PTDSS2: variants seen among roughly 807,000 people sequenced by gnomAD.
The protein encoded by PTDSS2 is PSS-2.
Under a neutral mutation model 64.7 loss-of-function variants are expected in PTDSS2, and 41 were observed. The observed-to-expected ratio is 0.63, with a 90% CI of 0.49 to 0.82. The LOEUF is 0.82. Ranked by LOEUF, PTDSS2 falls within the 40% of genes least tolerant of loss-of-function variation. The pLI is 0.00. For synonymous variants in PTDSS2, 297 were observed against 277.8 expected (o/e 1.07, Z -0.69); for missense variants, 485 against 650.0 (o/e 0.75, Z 2.76).
chr11:469,844 G>C (rs2133792494), intron 2 of PTDSS2, among the ~76,000 whole-genome samples: 1 of 152,252 alleles, frequency 6.6e-6, no homozygotes. Flanking sequence ...GGCAGTTCCA[G>C]AAAGTGAGGA....
At chr11:475,106 C>T (rs1226214284) in intron 3 of PTDSS2, among the ~76,000 whole-genome samples, 4 of 150,594 alleles carry the variant, frequency 2.7e-5, no homozygotes, top group Non-Finnish European at 5.9e-5. Context: ...GACATATTCA[C>T]GCGTTTGTGT....
chr11:488,130 T>G, intron 6 of PTDSS2, 69 bp from the exon 7 acceptor site: 1 of 1,184,170 alleles, frequency 8.4e-7, no homozygotes, highest in East Asian at 2.4e-5. Flanking sequence ...GGGTGGGGGC[T>G]GCACGCACCC....
At chr11:468,121 C>T (rs1290637037) in intron 2 of PTDSS2, among the ~76,000 whole-genome samples, 1 of 152,134 alleles carries the variant, frequency 6.6e-6, no homozygotes, top group Non-Finnish European at 1.5e-5. Flanking sequence ...AGGGTGAGAC[C>T]CCATCTCTAA....
chr11:469,572 T>C (rs970261312), intron 2 of PTDSS2, among the ~76,000 whole-genome samples: 1 of 152,080 alleles, frequency 6.6e-6, no homozygotes, highest in South Asian at 2.1e-4. Context: ...GAGTGGCCGC[T>C]GTGATGGTGG....
rs190466007 is a variant in PTDSS2, at chr11:485,972, C to T, written c.436-967C>T. 9.1e-5 allele frequency among the ~76,000 whole-genome samples: 12 copies of T among 131,656 alleles called. 1 individual carries two copies. Among genetic ancestry groups the T allele is most frequent in the African/African-American group, 3.8e-4 (12 of 31,740 alleles). The allele number at this position is 131,656 out of a possible 152,430, so 86.4% of individuals were successfully genotyped here. A position where few individuals can be genotyped will look rare whatever the true frequency, so the allele number is the denominator to read the frequency against. ...TAAACAGTGCACGGGCGCGCGTGTG[C>T]TCACCGTGCGCGCAGGCGAGCGTAA... On this transcript the variant is annotated intron_variant, in intron 4 of 11. Transcript: ENST00000308020.
Position 487,553 on chromosome 11 carries a change from G to A in PTDSS2, c.621+83G>A, listed in dbSNP as rs566636169. The A allele has an allele frequency of 1.8e-5, 24 of 1,316,904 alleles. No homozygotes were observed. The East Asian group carries it at 5.3e-4, about 29-fold the overall frequency. 81.6% of individuals were successfully genotyped at this position (1,316,904 alleles called of 1,614,324 possible). On this transcript the variant is annotated intron_variant, in intron 6 of 11. Transcript: ENST00000308020. ...CTGGACCGTTTCTGTCCATGGAGTT[G>A]AGCTCAGGGTGCTCTGAGTGTGGTG...
intron 1 of PTDSS2, among the ~76,000 whole-genome samples, chr11:451,038 C>T (rs1364378707): frequency 6.6e-6 from 1 of 152,184 alleles, no homozygotes; most frequent in African/African-American, 2.4e-5. Context: ...CACCTGTGTC[C>T]CCCGTCATTC....
chr11:475,093 T>C (rs1362140108), intron 3 of PTDSS2, among the ~76,000 whole-genome samples: 1 of 64,714 alleles, frequency 1.5e-5, no homozygotes, highest in Non-Finnish European at 3.2e-5. Flanking sequence ...TGTTTGTGTG[T>C]GGGACATATT....
intron 4 of PTDSS2, among the ~76,000 whole-genome samples, chr11:484,212 G>A (rs760686850): frequency 1.3e-5 from 2 of 152,132 alleles, no homozygotes; most frequent in Non-Finnish European, 2.9e-5. Context: ...GAATTTCCAC[G>A]TGGTTCCTGT....
Position 476,084 on chromosome 11 carries a change from G to A in PTDSS2, c.367+2107G>A, listed in dbSNP as rs1471134482. On this transcript the variant is annotated intron_variant, in intron 3 of 11. Coordinates refer to ENST00000308020, the MANE Select transcript of PTDSS2 (RefSeq NM_030783.3). This position sits in a 1 kb window ranked among gnomAD's most constrained non-coding sequence, Gnocchi z 4.9. Reference sequence around the variant, plus strand: ...AGAGGCCCTGAGCAGGGAGCCGTCCGGTGACCCAAGCAGGCTGGTCTTGCT... The same window carrying A: ...AGAGGCCCTGAGCAGGGAGCCGTCCAGTGACCCAAGCAGGCTGGTCTTGCT... Among the ~76,000 whole-genome samples the A allele has an allele frequency of 4.6e-5, 7 of 152,192 alleles. No homozygotes were observed. The highest frequency in any genetic ancestry group is 1.0e-4 in the Non-Finnish European group (7 of 68,030).
rs376457149 is a variant in PTDSS2, at chr11:454,745, C to T, written c.182+4108C>T. On this transcript the variant is annotated intron_variant, in intron 1 of 11. Transcript: ENST00000308020. ...GCTTGAACCTGGGAGGCAGAGATCG[C>T]GCCAGTGTCCTCCAGCCTGGGTGAC... Among the ~76,000 whole-genome samples, 12 of 152,268 alleles carry T rather than the reference C, an allele frequency of 7.9e-5. 1 individual carries two copies. In the South Asian group the frequency reaches 8.3e-4, roughly 11 times the overall value.
intron 4 of PTDSS2, among the ~76,000 whole-genome samples, chr11:484,952 CACT>C (rs1483110761): frequency 7.0e-6 from 1 of 142,706 alleles, no homozygotes; most frequent in South Asian, 2.2e-4. Flanking sequence ...CGTGTGTGCT[CACT>C]GTGTGCGCAG....
At chr11:474,728 C>G (rs1017198160) in intron 3 of PTDSS2, among the ~76,000 whole-genome samples, 1 of 152,194 alleles carries the variant, frequency 6.6e-6, no homozygotes, top group Non-Finnish European at 1.5e-5. Context: ...GAAACATTTT[C>G]TGTTTCAACA....
intron 4 of PTDSS2, 107 bp from the exon 5 acceptor site, chr11:486,832 A>T (rs1848414593): frequency 1.4e-6 from 2 of 1,421,352 alleles, no homozygotes; most frequent in Non-Finnish European, 1.9e-6. Flanking sequence ...TGGGCGACAG[A>T]GCGAGACTCC....
In PTDSS2 at chr11:480,129, G is replaced by A. The variant is rs117942125; in HGVS notation, c.435+977G>A. On this transcript the variant is annotated intron_variant, in intron 4 of 11. Transcript: ENST00000308020. ...GTTCGCTTCTGTCTCTTCTAGAATGGAATCGTGGGGTGGGCAGCCTCTTCC... is the reference window on the plus strand; with the variant it reads ...GTTCGCTTCTGTCTCTTCTAGAATGAAATCGTGGGGTGGGCAGCCTCTTCC... 1,281 of 155,016 alleles carry A rather than the reference G, an allele frequency of 8.3e-3. 5 individuals carry two copies. Among genetic ancestry groups the A allele is most frequent in the Non-Finnish European group, 0.013 (911 of 69,508 alleles). 9.6% of individuals were successfully genotyped at this position (155,016 alleles called of 1,614,324 possible).
rs80355847 is a variant in PTDSS2 at position 476,014 on chromosome 11, C to A, written c.367+2037C>A. On this transcript the variant is annotated intron_variant, in intron 3 of 11. Transcript: ENST00000308020. This position sits in a 1 kb window ranked among gnomAD's most constrained non-coding sequence, Gnocchi z 4.9. ...TTGGCCTCCAGGAGAGCAGTGTCTG[C>A]CCCAGGGTCAGTGCCATGGTGGTGA... Among the ~76,000 whole-genome samples, 6,561 of 152,296 alleles carry A rather than the reference C, an allele frequency of 0.043. 276 individuals carry two copies. Among genetic ancestry groups the A allele is most frequent in the East Asian group, 0.15 (797 of 5,184 alleles).
chr11:451,321 G>A (rs1846318091), intron 1 of PTDSS2: 1 of 423,836 alleles, frequency 2.4e-6, no homozygotes, highest in South Asian at 1.6e-5. Flanking sequence ...AGGCCCCCGG[G>A]AGCAGCTGGA....
chr11:473,274 A>G (rs1847565810), intron 2 of PTDSS2, among the ~76,000 whole-genome samples: 1 of 152,212 alleles, frequency 6.6e-6, no homozygotes, highest in Admixed American at 6.5e-5. Flanking sequence ...TCACGCTTCC[A>G]TCTTATGAAT....
chr11:467,139 C>T (rs1175583551), intron 2 of PTDSS2, among the ~76,000 whole-genome samples: 4 of 152,020 alleles, frequency 2.6e-5, no homozygotes, highest in South Asian at 2.1e-4. Context: ...TGCAGTGAGC[C>T]GAGATGGGGC....
Sources: allele counts gnomAD v4.1 joint callset (sites outside exome capture counted in the v4.1 genomes callset), GRCh38; gene constraint gnomAD v4.1.1; non-coding constraint Gnocchi (gnomAD v3.1); transcripts MANE v1.5; gene names NCBI Gene and HGNC (gene_info 2026-07-23, HGNC 2026-07-21).